RAB40B: variants seen among roughly 807,000 people sequenced by gnomAD.
The protein encoded by RAB40B is RAB40B, member RAS oncogene family, also known as ras-related protein Rab-40B.
A neutral mutation model predicts 24.0 loss-of-function variants in RAB40B; 21 were observed. The ratio of observed to expected loss-of-function variants is 0.88; its 90% CI spans 0.62 to 1.26. The LOEUF (loss-of-function observed/expected upper bound fraction) is 1.26. Among genes scored for constraint, RAB40B ranks in the 50% most tolerant of loss-of-function variants. The pLI is 0.00. For synonymous variants in RAB40B, 167 were observed against 169.8 expected (o/e 0.98, Z 0.13); for missense variants, 348 against 390.5 (o/e 0.89, Z 0.92).
At chr17:82,687,880 T>A (rs1036614676) in intron 1 of RAB40B, among the ~76,000 whole-genome samples, 3 of 152,178 alleles carry the variant, frequency 2.0e-5, no homozygotes, top group African/African-American at 7.2e-5. Flanking sequence ...AAGACAAGCC[T>A]GGGCGGCATA....
In RAB40B at chr17:82,657,655, C is replaced by CA. The variant is rs371681301; in HGVS notation, c.*207dup. 2,170 of 705,434 alleles carry CA rather than the reference C, an allele frequency of 3.1e-3. 7 individuals are homozygous for CA. Among genetic ancestry groups the CA allele is most frequent in the Non-Finnish European group, 4.4e-3 (1,690 of 387,246 alleles). The allele number at this position is 705,434 out of a possible 1,614,324, so 43.7% of individuals were successfully genotyped here. The stretch of plus-strand genomic sequence containing the variant: ...AGTACTAATTTTCCCTTTACAAACA[C>CA]ACATCGAAAACAAGAGCTTCATGCA... On this transcript the variant is annotated 3_prime_UTR_variant, in exon 6 of 6. Transcript: ENST00000571995.
chr17:82,658,623 C>T lies in RAB40B; in HGVS notation c.433G>A (p.Ala145Thr), dbSNP rs750727711. 5 of 1,613,270 alleles carry T rather than the reference C, an allele frequency of 3.1e-6. No individual in the cohort carries two copies. Among genetic ancestry groups the T allele is most frequent in the South Asian group, 1.1e-5 (1 of 91,084 alleles). ...AAGAAGGTCACGCCCAGGCGCTCGG[C>T]GTAGGCCTGGGCCTGCTCCGTGGGC... Reference protein sequence around the residue: ...QVPTEQAQAYAERLGVTFFEV... With the variant: ...QVPTEQAQAYTERLGVTFFEV... Residue 145 changes from alanine to threonine, a missense_variant, in exon 5 of 6, where the codon GCC (alanine) becomes ACC (threonine). Transcript: ENST00000571995.
chr17:82,658,765 T>C (rs2046121962), intron 4 of RAB40B, 52 bp from the exon 5 acceptor site: 2 of 1,522,242 alleles, frequency 1.3e-6, no homozygotes, highest in Non-Finnish European at 1.8e-6. Flanking sequence ...TGAGATTTTG[T>C]TGTCGTCGTA....
chr17:82,670,174 C>G (rs946156168), intron 1 of RAB40B, among the ~76,000 whole-genome samples: 2 of 136,788 alleles, frequency 1.5e-5, no homozygotes, highest in Non-Finnish European at 3.1e-5. Context: ...TGAGGGCCAA[C>G]AATCTTTTTT....
intron 1 of RAB40B, among the ~76,000 whole-genome samples, chr17:82,665,958 G>A (rs371514659): frequency 4.7e-5 from 7 of 149,676 alleles, no homozygotes; most frequent in South Asian, 2.1e-4. Context: ...TCTCCCCCTC[G>A]CCCAGGCTCT....
intron 1 of RAB40B, among the ~76,000 whole-genome samples, chr17:82,684,146 G>A (rs376058247): frequency 1.3e-4 from 19 of 151,478 alleles, no homozygotes; most frequent in African/African-American, 4.1e-4. Context: ...GCTTGAACCC[G>A]GGAGGCAGGG....
chr17:82,686,718 A>C (rs2046505869), intron 1 of RAB40B, among the ~76,000 whole-genome samples: 1 of 152,222 alleles, frequency 6.6e-6, no homozygotes, highest in South Asian at 2.1e-4. Context: ...GAACTGTGAG[A>C]GAATAAATCT....
At chr17:82,687,700 G>A (rs1252040501) in intron 1 of RAB40B, among the ~76,000 whole-genome samples, 2 of 152,192 alleles carry the variant, frequency 1.3e-5, no homozygotes, top group African/African-American at 2.4e-5. Flanking sequence ...CGGAGAGACT[G>A]AGAAGTCAAG....
At position 82,657,716 on chromosome 17, in the gene RAB40B, G is replaced by A. The variant is rs1417695166; in HGVS notation, c.*147C>T. 1.0e-6 allele frequency: 1 copy of A among 979,904 alleles called. No individual in the cohort carries two copies. The allele number at this position is 979,904 out of a possible 1,614,324, so 60.7% of individuals were successfully genotyped here. ...GAAATTCGAAGTCCGACGGGGTAGT[G>A]TGTTTCCATCACACGGAAGGCGTCG... On this transcript the variant is annotated 3_prime_UTR_variant, in exon 6 of 6. Transcript: ENST00000571995.
chr17:82,659,460 C>T (rs770729549), intron 4 of RAB40B, 120 bp downstream of exon 4: 10 of 913,304 alleles, frequency 1.1e-5, no homozygotes, highest in African/African-American at 3.3e-5. Flanking sequence ...GAGCGCCATC[C>T]GGTGCCCTGG....
chr17:82,670,984 T>G (rs1009321637), intron 1 of RAB40B, among the ~76,000 whole-genome samples: 1 of 152,064 alleles, frequency 6.6e-6, no homozygotes, highest in Non-Finnish European at 1.5e-5. Flanking sequence ...TTCCCCATTT[T>G]AATCCTTTAA....
chr17:82,685,606 C>G (rs1369184798), intron 1 of RAB40B, among the ~76,000 whole-genome samples: 3 of 152,170 alleles, frequency 2.0e-5, no homozygotes, highest in African/African-American at 7.2e-5. Context: ...CCAACAGGGC[C>G]AGGGGCTCCA....
At chr17:82,658,838 G>T in intron 4 of RAB40B, 125 bp from the exon 5 acceptor site, 1 of 835,164 alleles carries the variant, frequency 1.2e-6, no homozygotes. Flanking sequence ...CCTCAGCATG[G>T]GACCTCGTTT....
At chr17:82,695,733 A>G (rs2046603066) in intron 1 of RAB40B, among the ~76,000 whole-genome samples, 1 of 151,510 alleles carries the variant, frequency 6.6e-6, no homozygotes, top group Non-Finnish European at 1.5e-5. Context: ...AACAAAACAT[A>G]ATGATCTCAA....
chr17:82,698,326 C>T lies in RAB40B; in HGVS notation c.142+129G>A, dbSNP rs556601845. 872 of 887,106 alleles carry T rather than the reference C, an allele frequency of 9.8e-4. 5 individuals are homozygous for T. In the African/African-American group the frequency reaches 0.014, roughly 15 times the overall value. The allele number at this position is 887,106 out of a possible 1,614,324, so 55.0% of individuals were successfully genotyped here. ...TCCTACCCTCCCCGGCCACGCGCCCCGGCCTCTTCCCGACCCCTGCCCGGT... is the reference window on the plus strand; with the variant it reads ...TCCTACCCTCCCCGGCCACGCGCCCTGGCCTCTTCCCGACCCCTGCCCGGT... On this transcript the variant is annotated intron_variant, in intron 1 of 5. Transcript: ENST00000571995.
rs1295122600 is a variant in RAB40B, at chr17:82,662,411, C to T, written c.204-1364G>A. 11 of 985,332 alleles carry T rather than the reference C, an allele frequency of 1.1e-5. No homozygotes were observed. The South Asian group carries it at 1.4e-4, about 13-fold the overall frequency. 61.0% of individuals were successfully genotyped at this position (985,332 alleles called of 1,614,324 possible). A position where few individuals can be genotyped will look rare whatever the true frequency, so the allele number is the denominator to read the frequency against. On this transcript the variant is annotated intron_variant, in intron 2 of 5. Coordinates refer to ENST00000571995, the MANE Select transcript of RAB40B (RefSeq NM_006822.3). ...AGCACGTGCTGTCAGAGTGCCCCAT[C>T]GTGAAGTGGGAGCACTCCCTCCTCA...
At position 82,698,545 on chromosome 17, in the gene RAB40B, G is replaced by A. The variant is rs746251131; in HGVS notation, c.52C>T (p.Leu18=). 3.3e-6 allele frequency: 5 copies of A among 1,526,968 alleles called. No individual in the cohort carries two copies. Among genetic ancestry groups the A allele is most frequent in the South Asian group, 1.2e-5 (1 of 85,350 alleles). 94.6% of individuals were successfully genotyped at this position (1,526,968 alleles called of 1,614,324 possible). ...VRAYDFLLKF[L]LVGDSDVGKG... The stretch of plus-strand genomic sequence containing the variant: ...CCCACGTCGCTGTCGCCCACCAGCA[G>A]GAACTTGAGCAGAAAGTCGTAGGCC... The change falls in exon 1 of 6, where the codon CTG becomes TTG. Residue 18 remains leucine, a synonymous_variant. Transcript: ENST00000571995.
rs2046166806 is a variant in RAB40B at position 82,661,136 on chromosome 17, C to A, written c.204-89G>T. Reference sequence around the variant, plus strand: ...AACTTCAGAGCCACAGCAAGTGCACCACACACCCGCCAGTCAGCAGCCACC... The same window carrying A: ...AACTTCAGAGCCACAGCAAGTGCACAACACACCCGCCAGTCAGCAGCCACC... On this transcript the variant is annotated intron_variant, in intron 2 of 5. Transcript: ENST00000571995. 7.3e-6 allele frequency: 11 copies of A among 1,504,898 alleles called. No individual in the cohort carries two copies. In the Middle Eastern group the frequency reaches 5.3e-4, roughly 72 times the overall value. The allele number at this position is 1,504,898 out of a possible 1,614,324, so 93.2% of individuals were successfully genotyped here.
chr17:82,672,459 A>T (rs1387706537), intron 1 of RAB40B, among the ~76,000 whole-genome samples: 1 of 152,194 alleles, frequency 6.6e-6, no homozygotes, highest in Non-Finnish European at 1.5e-5. Context: ...ATTCCATTCT[A>T]CACTGTCATA....
Sources: gnomAD v4.1 joint callset for allele counts (sites outside exome capture counted in the v4.1 genomes callset) on GRCh38, gnomAD v4.1.1 for gene constraint, MANE v1.5 for transcripts, NCBI Gene and HGNC (gene_info 2026-07-23, HGNC 2026-07-21) for gene names.